Variants in DMD observed in about 807,000 individuals in gnomAD.
DMD encodes dystrophin.
Under a neutral mutation model 330.1 loss-of-function variants are expected in DMD, and 63 were observed. The ratio of observed to expected loss-of-function variants is 0.19; its 90% CI spans 0.16 to 0.24. The LOEUF is 0.24. DMD is among the 10% of genes least tolerant of loss of function. The pLI, the probability that DMD is intolerant of heterozygous loss-of-function variation, is 1.00. For synonymous variants in DMD, 1,223 were observed against 959.8 expected, an observed-to-expected ratio of 1.27 and a Z score of -5.07; for missense variants, 3,344 against 2,684.1, an observed-to-expected ratio of 1.25 and a Z score of -5.43.
chrX:33,096,533 T>A, intron 1 of DMD, among the ~76,000 whole-genome samples: 1 of 107,226 alleles, frequency 9.3e-6, no homozygotes, highest in Admixed American at 1.0e-4. Flanking sequence ...GAGACAGAGT[T>A]TTGCTCTTGT....
chrX:31,831,624 A>G (rs1302790361), intron 49 of DMD, among the ~76,000 whole-genome samples: 1 of 111,145 alleles, frequency 9.0e-6, no homozygotes, highest in Non-Finnish European at 1.9e-5. Flanking sequence ...TATGAGATGG[A>G]GTCTCACTCT....
chrX:31,376,081 A>G, intron 60 of DMD, among the ~76,000 whole-genome samples: 1 of 111,427 alleles, frequency 9.0e-6, no homozygotes, highest in Non-Finnish European at 1.9e-5. Flanking sequence ...AATGTTTCTA[A>G]TCTCCACACA....
intron 71 of DMD, among the ~76,000 whole-genome samples, chrX:31,175,108 C>A (rs1602383422): frequency 8.9e-6 from 1 of 111,804 alleles, no homozygotes; most frequent in South Asian, 3.7e-4. Flanking sequence ...TTGAAATCTT[C>A]ACTGCAGATC....
chrX:31,350,029 C>G (rs1381960514), intron 60 of DMD, among the ~76,000 whole-genome samples: 1 of 111,097 alleles, frequency 9.0e-6, no homozygotes, highest in African/African-American at 3.3e-5. Flanking sequence ...TTTTGCTTGG[C>G]CCAAATACGT....
rs377288390 is a variant in DMD, at chrX:33,199,292, T to C, written c.31+11990A>G. On this transcript the variant is annotated intron_variant, in intron 1 of 78. Coordinates refer to ENST00000357033, the MANE Select transcript of DMD (RefSeq NM_004006.3). ...TGCGCTAGGATGATGGTAGAGGAGA[T>C]AAAGAGAAGTGGATGAAAATATATT... 3.0e-4 allele frequency among the ~76,000 whole-genome samples: 33 copies of C among 110,740 alleles called. No homozygotes were observed. In the South Asian group the frequency reaches 3.4e-3, roughly 12 times the overall value.
intron 51 of DMD, among the ~76,000 whole-genome samples, chrX:31,734,970 G>A (rs1031633705): frequency 2.8e-4 from 31 of 111,443 alleles, no homozygotes; most frequent in African/African-American, 8.8e-4. Context: ...CTATTATTGG[G>A]TCTTAACTGA....
intron 17 of DMD, among the ~76,000 whole-genome samples, chrX:32,533,971 T>A (rs1485360708): frequency 1.8e-5 from 2 of 112,122 alleles, no homozygotes; most frequent in South Asian, 3.7e-4. Context: ...TGACGTGTAC[T>A]TAATGCCCCA....
At chrX:32,292,302 C>CTGTTTTTTTTTTTTTTTTTTT (rs2097474753) in intron 42 of DMD, among the ~76,000 whole-genome samples, 1 of 62,926 alleles carries the variant, frequency 1.6e-5, no homozygotes, top group Non-Finnish European at 2.7e-5. Context: ...AGGGAATATT[C>CTGTTTTTTTTTTTTTTTTTTT]TTTTTTTTTT....
intron 50 of DMD, among the ~76,000 whole-genome samples, chrX:31,818,000 TC>T (rs1352311608): frequency 4.5e-5 from 5 of 111,612 alleles, no homozygotes; most frequent in African/African-American, 1.6e-4. Context: ...AATAATACCC[TC>T]ATCCCATCTC....
intron 1 of DMD, chrX:33,041,570 A>G (rs1422060915): frequency 1.1e-5 from 13 of 1,207,751 alleles, no homozygotes; most frequent in African/African-American, 1.7e-5. Context: ...ATCCTACAAG[A>G]ATCCCGGATG....
At chrX:31,547,515 G>A (rs1367852417) in intron 55 of DMD, among the ~76,000 whole-genome samples, 1 of 111,926 alleles carries the variant, frequency 8.9e-6, no homozygotes, top group East Asian at 2.8e-4. Flanking sequence ...TAATGAATCA[G>A]ACATGACCGC....
At chrX:33,074,295 C>G (rs2094805382) in intron 1 of DMD, among the ~76,000 whole-genome samples, 1 of 111,807 alleles carries the variant, frequency 8.9e-6, no homozygotes, top group Non-Finnish European at 1.9e-5. Flanking sequence ...GACCACAAGG[C>G]ACCCCTGGAG....
intron 11 of DMD, among the ~76,000 whole-genome samples, chrX:32,637,516 G>A (rs1231194265): frequency 9.0e-6 from 1 of 111,666 alleles, no homozygotes; most frequent in Non-Finnish European, 1.9e-5. Context: ...TATCTTTATA[G>A]CAGCACCCCA....
intron 2 of DMD, among the ~76,000 whole-genome samples, chrX:32,932,552 G>A (rs2089681269): frequency 9.0e-6 from 1 of 111,720 alleles, no homozygotes; most frequent in South Asian, 3.7e-4. Context: ...GAAAAAAAGG[G>A]CAACATTTAA....
At chrX:33,312,757 T>A (rs1190290335) in intron 1 of DMD, among the ~76,000 whole-genome samples, 1 of 111,666 alleles carries the variant, frequency 9.0e-6, no homozygotes, top group Non-Finnish European at 1.9e-5. Context: ...TTTAAAAACA[T>A]CTTATTGAAT....
chrX:32,521,301 CT>C (rs1377257122), intron 17 of DMD, among the ~76,000 whole-genome samples: 1 of 112,129 alleles, frequency 8.9e-6, no homozygotes, highest in Non-Finnish European at 1.9e-5. Context: ...TCCCAAGTAG[CT>C]AGGACTACAG....
intron 21 of DMD, among the ~76,000 whole-genome samples, chrX:32,475,323 G>T (rs1328923948): frequency 9.0e-6 from 1 of 111,108 alleles, no homozygotes; most frequent in African/African-American, 3.3e-5. Context: ...GCTTAGTCTT[G>T]CTTTGGCTGT....
chrX:33,058,931 A>G (rs939666708), intron 1 of DMD, among the ~76,000 whole-genome samples: 18 of 111,779 alleles, frequency 1.6e-4, no homozygotes, highest in African/African-American at 5.5e-4. Flanking sequence ...TTGTCTTTTT[A>G]TTGATATGTA....
intron 60 of DMD, among the ~76,000 whole-genome samples, chrX:31,429,406 A>G (rs1349718507): frequency 3.6e-5 from 4 of 111,479 alleles, no homozygotes; most frequent in African/African-American, 1.3e-4. Context: ...TTTCACTTGT[A>G]CATCTGGCTC....
Sources: gnomAD v4.1 joint callset for allele counts (sites outside exome capture counted in the v4.1 genomes callset) on GRCh38, gnomAD v4.1.1 for gene constraint, MANE v1.5 for transcripts, NCBI Gene and HGNC (gene_info 2026-07-23, HGNC 2026-07-21) for gene names.